The following SGCZ variants were observed in gnomAD, a reference collection of about 807,000 sequenced individuals.
SGCZ encodes the protein sarcoglycan zeta.
A neutral mutation model predicts 41.3 loss-of-function variants in SGCZ; 40 were observed. The observed-to-expected ratio is 0.97, with a 90% CI of 0.75 to 1.26. The LOEUF (loss-of-function observed/expected upper bound fraction) is 1.26. Ranked by LOEUF, SGCZ falls within the 50% of genes most tolerant of loss-of-function variation. The pLI, the probability that SGCZ is intolerant of heterozygous loss-of-function variation, is 0.00. For missense variants in SGCZ, 552 were observed against 369.8 expected, an observed-to-expected ratio of 1.49 and a Z score of -4.04; for synonymous variants, 206 against 137.5, an observed-to-expected ratio of 1.50 and a Z score of -3.49.
At chr8:14,100,735 T>C (rs1317180980) in intron 7 of SGCZ, among the ~76,000 whole-genome samples, 1 of 151,724 alleles carries the variant, frequency 6.6e-6, no homozygotes, top group Non-Finnish European at 1.5e-5. Context: ...AGTAAATGTA[T>C]AATTACAATT....
At chr8:14,173,157 C>T (rs907626505) in intron 4 of SGCZ, among the ~76,000 whole-genome samples, 6 of 135,172 alleles carry the variant, frequency 4.4e-5, no homozygotes, top group African/African-American at 1.5e-4. Context: ...AAACTAACTT[C>T]CTGCTTTGAG....
At chr8:14,430,955 A>G (rs1018772500) in intron 2 of SGCZ, among the ~76,000 whole-genome samples, 10 of 152,178 alleles carry the variant, frequency 6.6e-5, no homozygotes, top group African/African-American at 2.4e-4. Flanking sequence ...CAGCTGCAAA[A>G]AATTAAAATA....
chr8:14,421,078 T>A (rs1030882206), intron 2 of SGCZ, among the ~76,000 whole-genome samples: 2 of 152,160 alleles, frequency 1.3e-5, no homozygotes, highest in African/African-American at 4.8e-5. Flanking sequence ...AAATGTGATT[T>A]TTCCATTCTT....
intron 1 of SGCZ, among the ~76,000 whole-genome samples, chr8:15,182,006 C>A (rs776019461): frequency 6.6e-6 from 1 of 152,106 alleles, no homozygotes; most frequent in Non-Finnish European, 1.5e-5. Context: ...TAGAATGGTG[C>A]ACTCATCACT....
At chr8:14,233,896 G>C (rs1210134515) in intron 4 of SGCZ, among the ~76,000 whole-genome samples, 1 of 151,858 alleles carries the variant, frequency 6.6e-6, no homozygotes, top group South Asian at 2.1e-4. Context: ...CAAGGAGTCT[G>C]ACCTCTTGGG....
At chr8:14,860,735 AAAGTAAGT>A (rs375877111) in intron 1 of SGCZ, among the ~76,000 whole-genome samples, 18 of 112,698 alleles carry the variant, frequency 1.6e-4, no homozygotes, top group Non-Finnish European at 2.0e-4. Context: ...AGAAAGAAAG[AAAGTAAGT>A]AAGTAAGTGA....
intron 2 of SGCZ, among the ~76,000 whole-genome samples, chr8:14,516,198 T>C (rs1802615813): frequency 6.6e-6 from 1 of 151,960 alleles, no homozygotes; most frequent in Admixed American, 6.6e-5. Context: ...TGATACATCG[T>C]AAACTCATGG....
At chr8:15,203,847 G>T (rs964919660) in intron 1 of SGCZ, among the ~76,000 whole-genome samples, 5 of 152,074 alleles carry the variant, frequency 3.3e-5, no homozygotes, top group African/African-American at 1.2e-4. Flanking sequence ...TAATTTTGCA[G>T]TTTAATTACA....
At chr8:14,211,236 T>C (rs1351068) in intron 4 of SGCZ, among the ~76,000 whole-genome samples, 151,455 of 152,242 alleles carry the variant, frequency 0.99, 75,342 homozygotes, top group East Asian at 1. Flanking sequence ...TGTGTCTGCT[T>C]TCTGTGCTCC....
chr8:14,481,903 C>T (rs538161480), intron 2 of SGCZ, among the ~76,000 whole-genome samples: 1 of 152,130 alleles, frequency 6.6e-6, no homozygotes, highest in Admixed American at 6.5e-5. Flanking sequence ...ACTGGTTTTC[C>T]GCAGTTGAGA....
At chr8:14,355,539 T>G (rs569115567) in intron 2 of SGCZ, among the ~76,000 whole-genome samples, 1 of 152,154 alleles carries the variant, frequency 6.6e-6, no homozygotes, top group South Asian at 2.1e-4. Flanking sequence ...ACTTAACTTG[T>G]TAATTTGTAA....
intron 1 of SGCZ, among the ~76,000 whole-genome samples, chr8:15,139,325 A>G (rs1301731528): frequency 6.6e-6 from 1 of 152,224 alleles, no homozygotes; most frequent in Non-Finnish European, 1.5e-5. Context: ...GGGTATGTCT[A>G]AAGAACTATT....
At chr8:14,704,710 T>C (rs1047638057) in intron 1 of SGCZ, among the ~76,000 whole-genome samples, 3 of 151,970 alleles carry the variant, frequency 2.0e-5, no homozygotes, top group Non-Finnish European at 2.9e-5. Context: ...AATGCTTGAC[T>C]CAGTTTATTA....
At chr8:14,636,594 A>G (rs10503503) in intron 1 of SGCZ, among the ~76,000 whole-genome samples, 50,752 of 151,742 alleles carry the variant, frequency 0.33, 8,802 homozygotes, top group East Asian at 0.63. Flanking sequence ...TAAAAGCTCA[A>G]TTTAGGGCAT....
chr8:15,224,304 A>C (rs1178542736), intron 1 of SGCZ, among the ~76,000 whole-genome samples: 2 of 152,254 alleles, frequency 1.3e-5, no homozygotes, highest in Non-Finnish European at 2.9e-5. Context: ...ATAAAATTGA[A>C]GAACATTAAA....
chr8:14,479,727 A>ATTTAT (rs1244101937), intron 2 of SGCZ, among the ~76,000 whole-genome samples: 2 of 109,390 alleles, frequency 1.8e-5, no homozygotes, highest in African/African-American at 7.5e-5. Context: ...CCAGAATTCT[A>ATTTAT]CTTCTTTTTT....
intron 1 of SGCZ, among the ~76,000 whole-genome samples, chr8:14,772,473 G>A (rs916953708): frequency 9.4e-5 from 14 of 149,230 alleles, no homozygotes; most frequent in South Asian, 2.1e-4. Context: ...ACATGTGCAC[G>A]ATGTGCAGGT....
intron 2 of SGCZ, among the ~76,000 whole-genome samples, chr8:14,492,898 C>T (rs1337353206): frequency 6.6e-6 from 1 of 152,116 alleles, no homozygotes; most frequent in Non-Finnish European, 1.5e-5. Context: ...TTTCCATTTC[C>T]AATCACCAAG....
At chr8:14,806,223 C>T (rs1216911032) in intron 1 of SGCZ, among the ~76,000 whole-genome samples, 1 of 151,548 alleles carries the variant, frequency 6.6e-6, no homozygotes. Flanking sequence ...CAAGAAATAA[C>T]TAAAATCAGA....
Sources: allele counts gnomAD v4.1 joint callset (sites outside exome capture counted in the v4.1 genomes callset), GRCh38; gene constraint gnomAD v4.1.1; transcripts MANE v1.5; gene names NCBI Gene and HGNC (gene_info 2026-07-23, HGNC 2026-07-21).